The following PLCL2 variants were observed in gnomAD, a reference collection of about 807,000 sequenced individuals.
PLCL2 encodes the protein phospholipase C like 2, also known as inactive phospholipase C-like protein 2.
In PLCL2, 4 loss-of-function variants were observed where a neutral mutation model predicts 79.6. That is an observed-to-expected ratio of 0.05 (90% CI 0.02 to 0.11). PLCL2 has a LOEUF of 0.11. Ranked by LOEUF, PLCL2 falls within the 10% of genes least tolerant of loss-of-function variation. The pLI, the probability that PLCL2 is intolerant of heterozygous loss-of-function variation, is 1.00. For missense variants in PLCL2, 895 were observed against 1,291.0 expected (o/e 0.69, Z 4.70); for synonymous variants, 484 against 457.7 (o/e 1.06, Z -0.73).
chr3:17,040,281 A>G (rs935944768), intron 3 of PLCL2, among the ~76,000 whole-genome samples: 8 of 152,190 alleles, frequency 5.3e-5, no homozygotes, highest in African/African-American at 9.6e-5. Context: ...ATGAGCTTCT[A>G]TATCTGGACT....
chr3:16,927,589 G>A (rs947334412), intron 1 of PLCL2, among the ~76,000 whole-genome samples: 3 of 152,162 alleles, frequency 2.0e-5, no homozygotes, highest in Non-Finnish European at 4.4e-5. Context: ...GTCTAGCACA[G>A]GGTTTCTCAG....
intron 1 of PLCL2, among the ~76,000 whole-genome samples, chr3:16,946,452 T>C (rs1406632775): frequency 6.6e-6 from 1 of 152,178 alleles, no homozygotes; most frequent in Non-Finnish European, 1.5e-5. Flanking sequence ...GTTTAACTAC[T>C]AGTATTTCAA....
At position 17,014,713 on chromosome 3, in the gene PLCL2, G is replaced by A. The variant is rs773472078; in HGVS notation, c.2820G>A (p.Ala940=). The A allele has an allele frequency of 1.2e-5, 19 of 1,611,448 alleles. No individual in the cohort carries two copies. The highest frequency in any genetic ancestry group is 1.7e-4 in the Middle Eastern group (1 of 5,942). The change falls in exon 3 of 6, where the codon GCG becomes GCA. Residue 940 remains alanine (A), a synonymous_variant. Coordinates refer to ENST00000615277, the MANE Select transcript of PLCL2 (RefSeq NM_001144382.2). ...CCTTTCATTCCATTTAACAGAATGC[G>A]GTGGTGTCATTCAAGGAGCTGTGTG... The part of the protein sequence containing the change: ...ATDLRENMQN[A]VVSFKELCGL...
At chr3:17,070,711 G>A (rs1278346760) in intron 5 of PLCL2, among the ~76,000 whole-genome samples, 1 of 152,084 alleles carries the variant, frequency 6.6e-6, no homozygotes, top group African/African-American at 2.4e-5. Context: ...TATTTTCCTG[G>A]CGGGAGGGCA....
intron 1 of PLCL2, among the ~76,000 whole-genome samples, chr3:16,938,792 A>T (rs1697605723): frequency 6.6e-6 from 1 of 152,162 alleles, no homozygotes; most frequent in Admixed American, 6.5e-5. Flanking sequence ...GAGTTCTTTA[A>T]ATCAAGGATT....
chr3:16,939,126 C>T (rs1212977727), intron 1 of PLCL2, among the ~76,000 whole-genome samples: 1 of 152,046 alleles, frequency 6.6e-6, no homozygotes, highest in Non-Finnish European at 1.5e-5. Flanking sequence ...GTACAATTCT[C>T]CCTGTAGATA....
chr3:16,989,413 ATG>A (rs2064082117), intron 1 of PLCL2, among the ~76,000 whole-genome samples: 3 of 152,160 alleles, frequency 2.0e-5, no homozygotes. Context: ...GCACTAAAAA[ATG>A]TGCGCAGTCC....
In PLCL2 at chr3:16,967,336, G is replaced by A. The variant is rs1009194976; in HGVS notation, c.328-42338G>A. Among the ~76,000 whole-genome samples, 30 of 151,998 alleles carry A rather than the reference G, an allele frequency of 2.0e-4. 1 individual carries two copies. Among genetic ancestry groups the A allele is most frequent in the African/African-American group, 5.6e-4 (23 of 41,380 alleles). ...TTCTGTTGAATTTCTTTGAGAAAAC[G>A]CCAAACTGCTTTCCACAATGGTTGA... is the stretch of plus-strand genomic sequence containing the variant. On this transcript the variant is annotated intron_variant, in intron 1 of 5. Transcript: ENST00000615277.
intron 1 of PLCL2, among the ~76,000 whole-genome samples, chr3:16,983,606 G>T (rs2064021145): frequency 6.6e-6 from 1 of 152,126 alleles, no homozygotes; most frequent in South Asian, 2.1e-4. Context: ...GGAAGCGGAG[G>T]TTGCAGTGAG....
At chr3:17,004,765 G>T (rs1282287867) in intron 1 of PLCL2, among the ~76,000 whole-genome samples, 3 of 151,836 alleles carry the variant, frequency 2.0e-5, no homozygotes, top group Admixed American at 6.6e-5. Flanking sequence ...TGGACTTCAA[G>T]TTCTTTCTTG....
intron 1 of PLCL2, among the ~76,000 whole-genome samples, chr3:16,978,928 G>A (rs2063952568): frequency 1.3e-5 from 2 of 152,302 alleles, no homozygotes; most frequent in African/African-American, 4.8e-5. Context: ...ATCTTTGGTG[G>A]ATACGGAGAT....
chr3:17,074,346 A>G (rs950005140), intron 5 of PLCL2, among the ~76,000 whole-genome samples: 5 of 152,232 alleles, frequency 3.3e-5, no homozygotes, highest in African/African-American at 1.2e-4. Context: ...GTGGGCTTAA[A>G]ATATTCAGGA....
At chr3:16,983,463 G>A (rs2064019901) in intron 1 of PLCL2, among the ~76,000 whole-genome samples, 1 of 152,150 alleles carries the variant, frequency 6.6e-6, no homozygotes, top group Non-Finnish European at 1.5e-5. Context: ...GAGGTCAGGA[G>A]TTCAAGGCCA....
At position 17,014,717 on chromosome 3, in the gene PLCL2, G is replaced by A. The variant is rs1340293365; in HGVS notation, c.2824G>A (p.Val942Met). 1.2e-6 allele frequency: 2 copies of A among 1,612,462 alleles called. No individual in the cohort carries two copies. The highest frequency in any genetic ancestry group is 1.7e-6 in the Non-Finnish European group (2 of 1,178,578). The change falls in exon 3 of 6, where the codon GTG (valine) becomes ATG (methionine). Residue 942 changes from valine to methionine, a missense_variant. Val to Met is a conservative substitution (Grantham distance 21). This residue lies in a region of PLCL2 where 298 missense variants were observed against 459.6 expected (regional missense o/e 0.65). Transcript: ENST00000615277. ...DLRENMQNAV[V>M]SFKELCGLSS... ...TCATTCCATTTAACAGAATGCGGTG[G>A]TGTCATTCAAGGAGCTGTGTGGCCT...
At chr3:16,957,278 C>T (rs989081728) in intron 1 of PLCL2, among the ~76,000 whole-genome samples, 7 of 152,116 alleles carry the variant, frequency 4.6e-5, no homozygotes, top group Admixed American at 1.3e-4. Flanking sequence ...GCCTTCATTT[C>T]GTTATGTACC....
chr3:17,044,878 T>TA (rs2064764664), intron 4 of PLCL2, among the ~76,000 whole-genome samples: 1 of 152,220 alleles, frequency 6.6e-6, no homozygotes, highest in African/African-American at 2.4e-5. Flanking sequence ...TGCTTGTACT[T>TA]AAAAAGCTGA....
chr3:17,070,427 A>G (rs563888690), intron 5 of PLCL2, among the ~76,000 whole-genome samples: 1 of 152,300 alleles, frequency 6.6e-6, no homozygotes, highest in South Asian at 2.1e-4. Context: ...CAGGAGAGAG[A>G]ATTAACACCT....
intron 1 of PLCL2, among the ~76,000 whole-genome samples, chr3:16,964,267 G>A (rs1263376824): frequency 4.7e-5 from 7 of 149,708 alleles, no homozygotes; most frequent in East Asian, 4.0e-4. Context: ...GAGAACATGC[G>A]GTGTTTGGTT....
chr3:16,897,125 G>A (rs10510468), intron 1 of PLCL2, among the ~76,000 whole-genome samples: 1 of 152,030 alleles, frequency 6.6e-6, no homozygotes, highest in African/African-American at 2.4e-5. Context: ...TTAACTTGCC[G>A]CGGTGGAGTT....
Sources: gnomAD v4.1 joint callset for allele counts (sites outside exome capture counted in the v4.1 genomes callset) on GRCh38, gnomAD v4.1.1 for gene constraint, gnomAD v4.1.1 regional missense constraint, MANE v1.5 for transcripts, NCBI Gene and HGNC (gene_info 2026-07-23, HGNC 2026-07-21) for gene names.